Variants in SCN8A observed in about 807,000 individuals in gnomAD.
SCN8A encodes the protein sodium channel protein type 8 subunit alpha.
In SCN8A, 30 loss-of-function variants were observed where a neutral mutation model predicts 184.1. The ratio of observed to expected loss-of-function variants is 0.16; its 90% CI spans 0.12 to 0.22. SCN8A has a LOEUF of 0.22. Among genes scored for constraint, SCN8A ranks in the 10% least tolerant of loss-of-function variants. The pLI is 1.00. For synonymous variants in SCN8A, 852 were observed against 907.0 expected, an observed-to-expected ratio of 0.94 and a Z score of 1.09; for missense variants, 1,057 against 2,498.9, an observed-to-expected ratio of 0.42 and a Z score of 12.30.
At position 51,615,361 on chromosome 12, in the gene SCN8A, C is replaced by G. The variant is rs369650441; in HGVS notation, c.-55+24002C>G. On this transcript the variant is annotated intron_variant, in intron 1 of 26. Transcript: ENST00000627620. ...CTTGAGCCCAGGAATTTGAGACTAGCCTGAGCAACATGGTAAAACCCTATC... is the reference window on the plus strand; with the variant it reads ...CTTGAGCCCAGGAATTTGAGACTAGGCTGAGCAACATGGTAAAACCCTATC... 1.1e-4 allele frequency among the ~76,000 whole-genome samples: 17 copies of G among 152,192 alleles called. No individual in the cohort carries two copies. The East Asian group carries it at 1.7e-3, about 16-fold the overall frequency.
At position 51,701,135 on chromosome 12, in the gene SCN8A, C is replaced by T. The variant is rs747989343; in HGVS notation, c.929-9C>T. ...CCTGTTCATTTCCTGCCTCTTCAAA[C>T]TTTTCTAGCAAATTTCTACACAGTT... On this transcript the variant is annotated splice_polypyrimidine_tract_variant and intron_variant, in intron 7 of 26. Transcript: ENST00000627620. 1.2e-6 allele frequency: 2 copies of T among 1,611,164 alleles called. No homozygotes were observed. Among genetic ancestry groups the T allele is most frequent in the Non-Finnish European group, 1.7e-6 (2 of 1,177,566 alleles).
chr12:51,739,390 G>A (rs781524220), intron 12 of SCN8A, among the ~76,000 whole-genome samples: 5 of 152,140 alleles, frequency 3.3e-5, no homozygotes, highest in African/African-American at 4.8e-5. Flanking sequence ...AATGTCCTCC[G>A]GAAAAGAAAG....
chr12:51,794,085 G>T (rs771652723), intron 25 of SCN8A, among the ~76,000 whole-genome samples: 26 of 149,690 alleles, frequency 1.7e-4, no homozygotes, highest in Non-Finnish European at 3.4e-4. Flanking sequence ...GGCAGAGGCT[G>T]CAGTGAGTCA....
chr12:51,673,054 C>T (rs1419677961), intron 2 of SCN8A, among the ~76,000 whole-genome samples: 1 of 152,068 alleles, frequency 6.6e-6, no homozygotes, highest in Non-Finnish European at 1.5e-5. Flanking sequence ...AGAGAATTTT[C>T]TATCATTTTG....
chr12:51,704,760 G>A (rs1020064168), intron 9 of SCN8A, among the ~76,000 whole-genome samples: 4 of 151,268 alleles, frequency 2.6e-5, no homozygotes, highest in Non-Finnish European at 5.9e-5. Flanking sequence ...GGATCATGAG[G>A]TCAGGAGCTC....
intron 11 of SCN8A, among the ~76,000 whole-genome samples, chr12:51,707,316 A>G (rs1011247140): frequency 6.6e-6 from 1 of 152,068 alleles, no homozygotes; most frequent in African/African-American, 2.4e-5. Flanking sequence ...TAGTATATAA[A>G]TATATAAAGG....
chr12:51,692,212 T>C (rs1941521711), intron 6 of SCN8A, among the ~76,000 whole-genome samples: 1 of 152,182 alleles, frequency 6.6e-6, no homozygotes, highest in Non-Finnish European at 1.5e-5. Flanking sequence ...CTGCAAGGTC[T>C]CACAAAGCTC....
intron 15 of SCN8A, among the ~76,000 whole-genome samples, chr12:51,763,293 A>G (rs1337213752): frequency 6.6e-6 from 1 of 152,238 alleles, no homozygotes; most frequent in East Asian, 1.9e-4. Flanking sequence ...CACTTTCAGT[A>G]TAGTATTCAA....
chr12:51,698,338 C>A (rs1163269487), intron 6 of SCN8A, among the ~76,000 whole-genome samples: 3 of 152,222 alleles, frequency 2.0e-5, no homozygotes, highest in Non-Finnish European at 4.4e-5. Context: ...CCCAGGCACA[C>A]CCTTCAAAGC....
chr12:51,621,997 A>G (rs1205813395), intron 1 of SCN8A, among the ~76,000 whole-genome samples: 2 of 152,222 alleles, frequency 1.3e-5, no homozygotes, highest in Non-Finnish European at 2.9e-5. Flanking sequence ...TTCACAAGAC[A>G]GTATCTCAAG....
At chr12:51,591,746 G>C (rs145777457) in intron 1 of SCN8A, among the ~76,000 whole-genome samples, 2 of 152,230 alleles carry the variant, frequency 1.3e-5, no homozygotes, top group Non-Finnish European at 2.9e-5. Context: ...CTTGCACTGG[G>C]AAGGGCAGCG....
chr12:51,753,752 C>A (rs1042745541), intron 14 of SCN8A, among the ~76,000 whole-genome samples: 1 of 152,042 alleles, frequency 6.6e-6, no homozygotes, highest in Non-Finnish European at 1.5e-5. Context: ...AAAATGAGAA[C>A]CTATATGGAA....
chr12:51,613,489 C>A (rs1939767472), intron 1 of SCN8A, among the ~76,000 whole-genome samples: 1 of 151,948 alleles, frequency 6.6e-6, no homozygotes, highest in Admixed American at 6.6e-5. Context: ...TTTGTATATT[C>A]ATTCTTTTTT....
intron 12 of SCN8A, among the ~76,000 whole-genome samples, 161 bp from the exon 13 acceptor site, chr12:51,745,742 G>A (rs1348590722): frequency 6.6e-6 from 1 of 152,134 alleles, no homozygotes; most frequent in Non-Finnish European, 1.5e-5. Flanking sequence ...ATGAACCATA[G>A]CCAATTCATT....
intron 12 of SCN8A, among the ~76,000 whole-genome samples, chr12:51,739,120 G>A (rs1942376935): frequency 6.6e-6 from 1 of 152,030 alleles, no homozygotes; most frequent in Non-Finnish European, 1.5e-5. Context: ...TCCTCTATCT[G>A]GCGGCCTGAC....
intron 12 of SCN8A, among the ~76,000 whole-genome samples, chr12:51,741,854 G>A (rs1411500614): frequency 6.6e-6 from 1 of 151,952 alleles, no homozygotes; most frequent in Non-Finnish European, 1.5e-5. Context: ...ACAAGCATGT[G>A]CCACCACGCC....
chr12:51,596,730 A>G (rs1230816410), intron 1 of SCN8A, among the ~76,000 whole-genome samples: 1 of 152,198 alleles, frequency 6.6e-6, no homozygotes, highest in Non-Finnish European at 1.5e-5. Flanking sequence ...GCACCAAAGT[A>G]ACACACTTGT....
At chr12:51,779,911 G>T (rs370938201) in intron 20 of SCN8A, among the ~76,000 whole-genome samples, 5 of 152,092 alleles carry the variant, frequency 3.3e-5, no homozygotes, top group Non-Finnish European at 2.9e-5. Context: ...AAGTCAGAAG[G>T]TTATTTTAGT....
At chr12:51,790,343 C>A in intron 24 of SCN8A, 55 bp from the exon 25 acceptor site, 2 of 1,290,964 alleles carry the variant, frequency 1.5e-6, no homozygotes, top group Non-Finnish European at 1.1e-6. Flanking sequence ...AGGTCCAAAC[C>A]CATAGCATGT....
Sources: gnomAD v4.1 joint callset for allele counts (sites outside exome capture counted in the v4.1 genomes callset) on GRCh38, gnomAD v4.1.1 for gene constraint, MANE v1.5 for transcripts, NCBI Gene and HGNC (gene_info 2026-07-23, HGNC 2026-07-21) for gene names.